SMOC2: variants seen among roughly 807,000 people sequenced by gnomAD.
SMOC2 encodes SPARC-related modular calcium-binding protein 2.
In SMOC2, 39 loss-of-function variants were observed where a neutral mutation model predicts 61.4. The ratio of observed to expected loss-of-function variants is 0.64; its 90% CI spans 0.49 to 0.83. SMOC2 has a LOEUF of 0.83. Ranked by LOEUF, SMOC2 falls within the 40% of genes least tolerant of loss-of-function variation. SMOC2 has a pLI of 0.00. For missense variants in SMOC2, 556 were observed against 592.9 expected (o/e 0.94, Z 0.65); for synonymous variants, 247 against 239.9 (o/e 1.03, Z -0.27).
intron 1 of SMOC2, among the ~76,000 whole-genome samples, chr6:168,456,839 C>T (rs1294260928): frequency 6.6e-6 from 1 of 152,132 alleles, no homozygotes; most frequent in Non-Finnish European, 1.5e-5. Context: ...CAGGAAGAAG[C>T]CTGGGCTGCT....
At chr6:168,512,333 C>T (rs1783028383) in intron 2 of SMOC2, among the ~76,000 whole-genome samples, 1 of 152,304 alleles carries the variant, frequency 6.6e-6, no homozygotes, top group Non-Finnish European at 1.5e-5. Flanking sequence ...CCAGCACCCG[C>T]CTTGTGCCTT....
At chr6:168,615,156 C>T (rs4489131) in intron 9 of SMOC2, among the ~76,000 whole-genome samples, 12,718 of 21,264 alleles carry the variant, frequency 0.6, 4,834 homozygotes, top group Middle Eastern at 0.75. Context: ...GGCCTCTTCA[C>T]ACCTACAGCC....
At chr6:168,633,396 G>A (rs1786621753) in intron 9 of SMOC2, among the ~76,000 whole-genome samples, 2 of 152,168 alleles carry the variant, frequency 1.3e-5, no homozygotes, top group South Asian at 4.1e-4. Flanking sequence ...GATGAGGGCA[G>A]GGACAAGTAA....
chr6:168,644,217 G>A (rs561129855), intron 9 of SMOC2, among the ~76,000 whole-genome samples: 1 of 152,242 alleles, frequency 6.6e-6, no homozygotes, highest in East Asian at 1.9e-4. Flanking sequence ...ACGTGTTTAT[G>A]GACATGGCTT....
chr6:168,637,864 C>A (rs1446429129), intron 9 of SMOC2, among the ~76,000 whole-genome samples: 1 of 152,184 alleles, frequency 6.6e-6, no homozygotes, highest in Admixed American at 6.5e-5. Context: ...GGAAGCTGGG[C>A]CTACGGAGGC....
At chr6:168,635,878 A>AAAAT (rs1562396294) in intron 9 of SMOC2, among the ~76,000 whole-genome samples, 5 of 151,792 alleles carry the variant, frequency 3.3e-5, no homozygotes, top group Non-Finnish European at 1.5e-5. Flanking sequence ...CTCAAAAAAA[A>AAAAT]AAAAAAAGTT....
At chr6:168,567,289 G>A (rs1012359312) in intron 7 of SMOC2, among the ~76,000 whole-genome samples, 3 of 152,082 alleles carry the variant, frequency 2.0e-5, no homozygotes, top group African/African-American at 2.4e-5. Context: ...CAATCATTAT[G>A]TTTTCTCATG....
intron 1 of SMOC2, among the ~76,000 whole-genome samples, chr6:168,506,119 C>T (rs1782867142): frequency 6.6e-6 from 1 of 152,110 alleles, no homozygotes; most frequent in Non-Finnish European, 1.5e-5. Context: ...GTGAGCCTCC[C>T]ACCTCAGCCT....
At chr6:168,441,866 G>C (rs929695501) in intron 1 of SMOC2, among the ~76,000 whole-genome samples, 3 of 152,094 alleles carry the variant, frequency 2.0e-5, no homozygotes, top group African/African-American at 7.2e-5. Context: ...ACCAGGTCTG[G>C]GAGCGCCGGC....
intron 7 of SMOC2, among the ~76,000 whole-genome samples, chr6:168,592,160 C>T (rs1785196047): frequency 6.6e-6 from 1 of 152,214 alleles, no homozygotes; most frequent in Non-Finnish European, 1.5e-5. Context: ...AGCAGCCTCT[C>T]CTTCCCTATT....
chr6:168,497,664 C>T (rs549883008), intron 1 of SMOC2, among the ~76,000 whole-genome samples: 9 of 152,120 alleles, frequency 5.9e-5, no homozygotes, highest in Non-Finnish European at 1.2e-4. Flanking sequence ...CGTTAGGAGC[C>T]CGTGGTCTTG....
intron 8 of SMOC2, among the ~76,000 whole-genome samples, chr6:168,599,494 ACACC>A (rs1278918315): frequency 2.5e-5 from 2 of 81,080 alleles, no homozygotes; most frequent in Non-Finnish European, 4.4e-5. Context: ...CATACCCCAC[ACACC>A]CACTGACACT....
rs13216792 is a variant in SMOC2 at position 168,653,694 on chromosome 6, T to C, written c.1285+466T>C. Among the ~76,000 whole-genome samples, 367 of 108,204 alleles carry C rather than the reference T, an allele frequency of 3.4e-3. 2 individuals are homozygous for C. The highest frequency in any genetic ancestry group is 0.013 in the African/African-American group (285 of 21,358). The allele number at this position is 108,204 out of a possible 152,430, so 71.0% of individuals were successfully genotyped here. On this transcript the variant is annotated intron_variant, in intron 11 of 12. Coordinates refer to ENST00000356284, the MANE Select transcript of SMOC2 (RefSeq NM_001166412.2). ...AAATGTTAGGAACTCACCAACCCTC[T>C]ACCTGAGCTCCAACCAAATGTTAGG... is the stretch of plus-strand genomic sequence containing the variant.
At chr6:168,571,559 G>A (rs1485648170) in intron 7 of SMOC2, among the ~76,000 whole-genome samples, 1 of 152,160 alleles carries the variant, frequency 6.6e-6, no homozygotes, top group Non-Finnish European at 1.5e-5. Context: ...CTGTTTAGAC[G>A]GTTGCATGAT....
intron 2 of SMOC2, among the ~76,000 whole-genome samples, chr6:168,520,573 A>G (rs1240309564): frequency 1.3e-5 from 2 of 152,222 alleles, no homozygotes; most frequent in East Asian, 1.9e-4. Flanking sequence ...CCAGAGTCAG[A>G]GCATCTGTTG....
At chr6:168,663,724 TA>T (rs1446639783) in intron 11 of SMOC2, among the ~76,000 whole-genome samples, 6 of 152,086 alleles carry the variant, frequency 3.9e-5, no homozygotes, top group South Asian at 4.1e-4. Flanking sequence ...AAGATGCAAA[TA>T]AAAAAATGTA....
intron 9 of SMOC2, among the ~76,000 whole-genome samples, chr6:168,637,907 G>GGA (rs1786783194): frequency 3.9e-5 from 4 of 102,156 alleles, no homozygotes; most frequent in East Asian, 5.4e-4. Flanking sequence ...AGGGCGTGCT[G>GGA]TATGCTGAGC....
At chr6:168,483,830 AT>A (rs778156517) in intron 1 of SMOC2, among the ~76,000 whole-genome samples, 60 of 152,170 alleles carry the variant, frequency 3.9e-4, no homozygotes, top group Non-Finnish European at 7.1e-4. Context: ...TTCCAAGGCC[AT>A]TCGTTGGAAA....
intron 2 of SMOC2, 42 bp from the exon 3 acceptor site, chr6:168,526,304 T>G (rs1313366206): frequency 6.5e-7 from 1 of 1,535,676 alleles, no homozygotes; most frequent in Non-Finnish European, 9.0e-7. Flanking sequence ...TCTATCTTCT[T>G]CCCATTGCAT....
Sources: allele counts gnomAD v4.1 joint callset (sites outside exome capture counted in the v4.1 genomes callset), GRCh38; gene constraint gnomAD v4.1.1; transcripts MANE v1.5; gene names NCBI Gene and HGNC (gene_info 2026-07-23, HGNC 2026-07-21).